The following MYO3A variants were observed in gnomAD, a reference collection of about 807,000 sequenced individuals.
The protein encoded by MYO3A is myosin-IIIa.
Under a neutral mutation model 192.7 loss-of-function variants are expected in MYO3A, and 180 were observed. The observed-to-expected ratio is 0.93, with a 90% confidence interval of 0.83 to 1.06. The LOEUF (loss-of-function observed/expected upper bound fraction) is 1.06, where lower values mean the gene tolerates loss of function less well. MYO3A is among the 50% of genes least tolerant of loss of function. The pLI is 0.00. For synonymous variants in MYO3A, 628 were observed against 645.3 expected (o/e 0.97, Z 0.41); for missense variants, 1,896 against 1,905.0 (o/e 1.00, Z 0.09).
At chr10:26,067,381 G>A (rs926117842) in intron 11 of MYO3A, among the ~76,000 whole-genome samples, 1 of 152,108 alleles carries the variant, frequency 6.6e-6, no homozygotes, top group East Asian at 1.9e-4. Context: ...AAGTTGTTAG[G>A]CCACAGATCT....
intron 10 of MYO3A, among the ~76,000 whole-genome samples, chr10:26,058,606 C>G (rs887144062): frequency 1.3e-5 from 2 of 152,204 alleles, no homozygotes; most frequent in African/African-American, 2.4e-5. Flanking sequence ...TGAATGATTG[C>G]TGTAGCTTTA....
At chr10:26,073,186 C>T (rs1184744411) in intron 14 of MYO3A, among the ~76,000 whole-genome samples, 2 of 151,918 alleles carry the variant, frequency 1.3e-5, no homozygotes, top group African/African-American at 2.4e-5. Flanking sequence ...ATGGCACCAC[C>T]GCACTCCAGC....
In MYO3A at chr10:25,997,333, G is replaced by A. The variant is rs1293161842; in HGVS notation, c.508+75G>A. On this transcript the variant is annotated intron_variant, in intron 6 of 34. Transcript: ENST00000642920. ...TGATATGATTTGATCTTTTTCGAAT[G>A]GCCTTCCTTTCTAGGTATTGGAAAT... 6.3e-6 allele frequency: 7 copies of A among 1,118,734 alleles called. No homozygotes were observed. The East Asian group carries it at 1.7e-4, about 27-fold the overall frequency. 69.3% of individuals were successfully genotyped at this position (1,118,734 alleles called of 1,614,324 possible). A position where few individuals can be genotyped will look rare whatever the true frequency, so the allele number is the denominator to read the frequency against.
At chr10:26,010,162 A>T (rs937081105) in intron 6 of MYO3A, among the ~76,000 whole-genome samples, 1 of 152,146 alleles carries the variant, frequency 6.6e-6, no homozygotes, top group Non-Finnish European at 1.5e-5. Context: ...ATCAGATATG[A>T]ACTAAGTTTT....
At chr10:26,159,048 C>G (rs938897488) in intron 26 of MYO3A, among the ~76,000 whole-genome samples, 2 of 150,336 alleles carry the variant, frequency 1.3e-5, no homozygotes, top group Non-Finnish European at 3.0e-5. Flanking sequence ...TGCACTGTTG[C>G]CCAGGCTGGA....
At chr10:26,011,537 C>G (rs1410510234) in intron 6 of MYO3A, among the ~76,000 whole-genome samples, 1 of 152,170 alleles carries the variant, frequency 6.6e-6, no homozygotes, top group Non-Finnish European at 1.5e-5. Context: ...GGACACATTC[C>G]TGTAAGCATA....
At chr10:26,144,068 C>A (rs185645344) in intron 21 of MYO3A, among the ~76,000 whole-genome samples, 16 of 152,106 alleles carry the variant, frequency 1.1e-4, no homozygotes, top group Admixed American at 9.2e-4. Context: ...AATAAATATT[C>A]ATGATAATAA....
At chr10:26,098,725 T>C (rs2131575012) in intron 17 of MYO3A, among the ~76,000 whole-genome samples, 1 of 152,332 alleles carries the variant, frequency 6.6e-6, no homozygotes, top group South Asian at 2.1e-4. Context: ...TGGTTGTAGA[T>C]GTGTGGTATT....
At chr10:25,951,334 C>T (rs1166041995) in intron 2 of MYO3A, among the ~76,000 whole-genome samples, 3 of 152,092 alleles carry the variant, frequency 2.0e-5, no homozygotes, top group Non-Finnish European at 2.9e-5. Flanking sequence ...ATAACAGCAG[C>T]GTAGAGTGCT....
chr10:26,079,577 G>A (rs1564527565), intron 14 of MYO3A, among the ~76,000 whole-genome samples: 1 of 151,730 alleles, frequency 6.6e-6, no homozygotes, highest in Non-Finnish European at 1.5e-5. Flanking sequence ...TTGTTTTTTT[G>A]TTTCTGCTTT....
At chr10:26,100,990 G>A (rs950326668) in intron 17 of MYO3A, among the ~76,000 whole-genome samples, 20 of 152,192 alleles carry the variant, frequency 1.3e-4, no homozygotes, top group Admixed American at 6.5e-5. Context: ...AATATTGACA[G>A]TGGGGTGTTA....
chr10:26,092,283 G>A (rs995199314), intron 15 of MYO3A, among the ~76,000 whole-genome samples: 17 of 152,172 alleles, frequency 1.1e-4, no homozygotes, highest in Non-Finnish European at 1.5e-4. Context: ...CTGGCTACAC[G>A]GTGAAACCCC....
At chr10:25,947,389 CTTTTTTT>C (rs869281200) in intron 2 of MYO3A, among the ~76,000 whole-genome samples, 1 of 91,858 alleles carries the variant, frequency 1.1e-5, no homozygotes, top group African/African-American at 4.2e-5. Flanking sequence ...TTTTCTTTTT[CTTTTTTT>C]TTTTTTTTTT....
intron 4 of MYO3A, among the ~76,000 whole-genome samples, chr10:25,985,001 G>C (rs1029766923): frequency 5.9e-5 from 9 of 152,226 alleles, no homozygotes; most frequent in African/African-American, 1.9e-4. Flanking sequence ...ACTTTGGGAG[G>C]CTGAGGCAGG....
intron 10 of MYO3A, among the ~76,000 whole-genome samples, chr10:26,065,070 A>G (rs1834731157): frequency 6.6e-6 from 1 of 152,210 alleles, no homozygotes; most frequent in Non-Finnish European, 1.5e-5. Flanking sequence ...AAAAAACCGA[A>G]AAAGATACTC....
intron 17 of MYO3A, among the ~76,000 whole-genome samples, chr10:26,099,719 A>G (rs1190705932): frequency 6.6e-6 from 1 of 152,060 alleles, no homozygotes; most frequent in Non-Finnish European, 1.5e-5. Context: ...ACATATATTG[A>G]TTTGCATATG....
chr10:25,959,898 TCTTTTGATTAAAGA>T (rs1166185442), intron 4 of MYO3A, among the ~76,000 whole-genome samples: 1 of 151,800 alleles, frequency 6.6e-6, no homozygotes, highest in Non-Finnish European at 1.5e-5. Flanking sequence ...GGGTTTCGAG[TCTTTTGATTAAAGA>T]CTTCCAAATG....
At chr10:26,195,884 G>A (rs1284559592) in intron 32 of MYO3A, among the ~76,000 whole-genome samples, 1 of 152,180 alleles carries the variant, frequency 6.6e-6, no homozygotes, top group Admixed American at 6.5e-5. Context: ...GATTGGTGTG[G>A]CTTCCACGAG....
At chr10:26,041,416 A>G (rs772322169) in intron 10 of MYO3A, among the ~76,000 whole-genome samples, 2 of 151,950 alleles carry the variant, frequency 1.3e-5, no homozygotes, top group Non-Finnish European at 2.9e-5. Flanking sequence ...TAGTCCACTT[A>G]CTTTCAATAT....
Sources: allele counts gnomAD v4.1 joint callset (sites outside exome capture counted in the v4.1 genomes callset), GRCh38; gene constraint gnomAD v4.1.1; transcripts MANE v1.5; gene names NCBI Gene and HGNC (gene_info 2026-07-23, HGNC 2026-07-21).